Variants in ZBTB7C observed in about 807,000 individuals in gnomAD.
ZBTB7C encodes zinc finger and BTB domain containing 7C, also known as zinc finger and BTB domain-containing protein 7C.
ZBTB7C carries 8 observed loss-of-function variants against 25.7 expected under a neutral mutation model. The observed-to-expected ratio is 0.31, with a 90% confidence interval of 0.18 to 0.56. ZBTB7C has a LOEUF of 0.56. Ranked by LOEUF, ZBTB7C falls within the 20% of genes least tolerant of loss-of-function variation. The pLI, the probability that ZBTB7C is intolerant of heterozygous loss-of-function variation, is 0.91. For missense variants in ZBTB7C, 824 were observed against 855.2 expected (o/e 0.96, Z 0.46); for synonymous variants, 394 against 369.0 (o/e 1.07, Z -0.78).
At chr18:48,104,838 G>T (rs2038972889) in intron 3 of ZBTB7C, among the ~76,000 whole-genome samples, 1 of 152,222 alleles carries the variant, frequency 6.6e-6, no homozygotes, top group Non-Finnish European at 1.5e-5. Context: ...AGCCAGCAGT[G>T]TGTGGGGCCA....
At chr18:48,192,828 C>A (rs2042228096) in intron 2 of ZBTB7C, among the ~76,000 whole-genome samples, 1 of 152,194 alleles carries the variant, frequency 6.6e-6, no homozygotes, top group Admixed American at 6.5e-5. Flanking sequence ...ATGTGCCACA[C>A]TAATGCCAGA....
intron 2 of ZBTB7C, among the ~76,000 whole-genome samples, chr18:48,235,905 G>A (rs1054776163): frequency 6.6e-6 from 1 of 152,032 alleles, no homozygotes; most frequent in Admixed American, 6.6e-5. Flanking sequence ...CTAAACGTGT[G>A]TTTCTTTTCA....
At chr18:48,398,494 G>A (rs989798752) in intron 1 of ZBTB7C, among the ~76,000 whole-genome samples, 4 of 152,136 alleles carry the variant, frequency 2.6e-5, no homozygotes, top group African/African-American at 9.7e-5. Flanking sequence ...GATCAGCCCA[G>A]AGCCCCCTCC....
At chr18:48,233,107 G>T (rs183344576) in intron 2 of ZBTB7C, among the ~76,000 whole-genome samples, 1 of 152,144 alleles carries the variant, frequency 6.6e-6, no homozygotes, top group African/African-American at 2.4e-5. Flanking sequence ...ATGCAGCATT[G>T]GCAGGTGGGG....
At chr18:48,166,485 G>A (rs906656283) in intron 3 of ZBTB7C, among the ~76,000 whole-genome samples, 3 of 152,108 alleles carry the variant, frequency 2.0e-5, no homozygotes, top group African/African-American at 4.8e-5. Flanking sequence ...GTTTCTCCCT[G>A]CCTCCCTCCC....
chr18:48,220,084 G>T (rs2145290111), intron 2 of ZBTB7C, among the ~76,000 whole-genome samples: 1 of 152,290 alleles, frequency 6.6e-6, no homozygotes, highest in South Asian at 2.1e-4. Flanking sequence ...CTGCTGAGGG[G>T]CCTGGTGAAC....
At chr18:48,041,722 A>G (rs887017199) in intron 3 of ZBTB7C, among the ~76,000 whole-genome samples, 2 of 150,672 alleles carry the variant, frequency 1.3e-5, no homozygotes, top group Non-Finnish European at 2.9e-5. Flanking sequence ...GTTTCCTTCC[A>G]TTTGTAAATC....
At chr18:48,255,180 C>A (rs2043986373) in intron 2 of ZBTB7C, among the ~76,000 whole-genome samples, 1 of 151,996 alleles carries the variant, frequency 6.6e-6, no homozygotes, top group Admixed American at 6.6e-5. Context: ...ACAAAATTAC[C>A]AGATATGCAA....
Position 48,062,669 on chromosome 18 carries a change from G to A in ZBTB7C, c.-16-21546C>T, listed in dbSNP as rs73447945. On this transcript the variant is annotated intron_variant, in intron 3 of 4. Coordinates refer to ENST00000590800, the MANE Select transcript of ZBTB7C (RefSeq NM_001318841.2). ...CAGGACTGCAGTAAGTCAGTGGCCT[G>A]TTCCATTCTAGAACATCTGAGAGCA... Among the ~76,000 whole-genome samples the A allele has an allele frequency of 6.9e-3, 1,044 of 152,330 alleles. 10 individuals are homozygous for A. The highest frequency in any genetic ancestry group is 0.023 in the African/African-American group (973 of 41,562).
chr18:48,326,285 G>A (rs1406682960), intron 2 of ZBTB7C, among the ~76,000 whole-genome samples: 1 of 151,866 alleles, frequency 6.6e-6, no homozygotes, highest in Non-Finnish European at 1.5e-5. Flanking sequence ...TAGTAGAGAC[G>A]GGGTTTCACC....
At chr18:48,301,930 C>T (rs1049025404) in intron 2 of ZBTB7C, among the ~76,000 whole-genome samples, 3 of 152,144 alleles carry the variant, frequency 2.0e-5, no homozygotes, top group African/African-American at 4.8e-5. Flanking sequence ...GATGGACAGA[C>T]CTCAGGGACA....
intron 1 of ZBTB7C, among the ~76,000 whole-genome samples, chr18:48,353,054 A>G (rs752102010): frequency 3.3e-5 from 5 of 152,218 alleles, no homozygotes; most frequent in Non-Finnish European, 7.3e-5. Flanking sequence ...AGCAATATAG[A>G]AATAGAAACT....
At chr18:48,407,118 A>G (rs548403335) in intron 1 of ZBTB7C, among the ~76,000 whole-genome samples, 2 of 152,238 alleles carry the variant, frequency 1.3e-5, no homozygotes, top group South Asian at 4.1e-4. Context: ...ACACCCCCAG[A>G]TAATTGCTCA....
At chr18:48,088,649 G>A (rs2038286549) in intron 3 of ZBTB7C, among the ~76,000 whole-genome samples, 1 of 135,416 alleles carries the variant, frequency 7.4e-6, no homozygotes, top group Non-Finnish European at 1.6e-5. Flanking sequence ...CCAACATGGT[G>A]AAACCCTGTA....
chr18:48,151,339 GACAT>G (rs2040671562), intron 3 of ZBTB7C, among the ~76,000 whole-genome samples: 1 of 152,158 alleles, frequency 6.6e-6, no homozygotes, highest in Admixed American at 6.5e-5. Flanking sequence ...AGCATCCTTA[GACAT>G]ACTGCCCTCA....
intron 2 of ZBTB7C, among the ~76,000 whole-genome samples, chr18:48,263,799 T>C (rs1021441866): frequency 6.6e-6 from 1 of 151,450 alleles, no homozygotes; most frequent in Non-Finnish European, 1.5e-5. Context: ...TAGTAATAGA[T>C]TAGTAATCAA....
chr18:48,219,448 A>G (rs2042900545), intron 2 of ZBTB7C, among the ~76,000 whole-genome samples: 1 of 152,228 alleles, frequency 6.6e-6, no homozygotes, highest in South Asian at 2.1e-4. Context: ...TATCCCAATG[A>G]GGCAAGTACC....
At chr18:48,144,278 C>G (rs1568253661) in intron 3 of ZBTB7C, among the ~76,000 whole-genome samples, 2 of 138,868 alleles carry the variant, frequency 1.4e-5, no homozygotes, top group East Asian at 4.1e-4. Flanking sequence ...GACACCTTCT[C>G]AAAAAAAAAA....
intron 2 of ZBTB7C, among the ~76,000 whole-genome samples, chr18:48,328,181 C>CAA (rs55654378): frequency 0.016 from 914 of 58,728 alleles, 9 homozygotes; most frequent in East Asian, 0.062. Context: ...GACTCTGTCT[C>CAA]AAAAAAAAAA....
Sources: allele counts gnomAD v4.1 joint callset (sites outside exome capture counted in the v4.1 genomes callset), GRCh38; gene constraint gnomAD v4.1.1; transcripts MANE v1.5; gene names NCBI Gene and HGNC (gene_info 2026-07-23, HGNC 2026-07-21).